Variants in SYNE2 observed in about 807,000 individuals in gnomAD.
SYNE2 encodes nesprin-2.
In SYNE2, 431 loss-of-function variants were observed where a neutral mutation model predicts 856.3. The ratio of observed to expected loss-of-function variants is 0.50; its 90% CI spans 0.47 to 0.55. SYNE2 has a LOEUF of 0.55. Among genes scored for constraint, SYNE2 ranks in the 20% least tolerant of loss-of-function variants. The probability of loss-of-function intolerance (pLI) is 0.00; values close to 1 mark genes in which losing one functional copy is unlikely to be tolerated. For missense variants in SYNE2, 8,129 were observed against 8,023.2 expected, an observed-to-expected ratio of 1.01 and a Z score of -0.50; for synonymous variants, 2,923 against 2,872.3, an observed-to-expected ratio of 1.02 and a Z score of -0.56.
chr14:64,080,769 T>G, intron 56 of SYNE2, 131 bp downstream of exon 56: 1 of 1,121,266 alleles, frequency 8.9e-7, no homozygotes. Context: ...GGGGCCATGG[T>G]AGGCTTGTGT....
chr14:64,072,962 A>G (rs1231381920), intron 52 of SYNE2, among the ~76,000 whole-genome samples: 1 of 152,216 alleles, frequency 6.6e-6, no homozygotes, highest in Non-Finnish European at 1.5e-5. Context: ...ATAAACAGCC[A>G]GATGGAAGAG....
chr14:63,985,554 G>GCGT (rs1385273223), intron 18 of SYNE2, among the ~76,000 whole-genome samples: 1 of 151,820 alleles, frequency 6.6e-6, no homozygotes, highest in Admixed American at 6.6e-5. Flanking sequence ...TGTTTAAATC[G>GCGT]CATATGAGTT....
chr14:64,036,223 CT>C (rs1941569501), intron 45 of SYNE2, among the ~76,000 whole-genome samples: 2 of 151,694 alleles, frequency 1.3e-5, no homozygotes, highest in Admixed American at 6.6e-5. Context: ...ATCACCTCCC[CT>C]ATTCTAAGAA....
intron 57 of SYNE2, among the ~76,000 whole-genome samples, chr14:64,082,787 G>A (rs1195154520): frequency 1.3e-5 from 2 of 152,178 alleles, no homozygotes; most frequent in East Asian, 1.9e-4. Flanking sequence ...AATAGAAAAC[G>A]AACCCATGGT....
chr14:64,093,356 TAAAACAGACCA>T lies in SYNE2; in HGVS notation c.11986_11996del (p.Lys3996Ter). ...GTGGGGGTTATTTTATAGGTAGTCA[TAAAACAGACCA>T]ATGAATGGGATGAAGAAATAGAAAA... is the stretch of plus-strand genomic sequence containing the variant. On this transcript the variant is annotated frameshift_variant, in exon 61 of 116. Coordinates refer to ENST00000555002, the MANE Select transcript of SYNE2 (RefSeq NM_182914.3). LOFTEE classifies it high-confidence loss of function. 1 of 1,613,812 alleles carries T rather than the reference TAAAACAGACCA, an allele frequency of 6.2e-7. No individual in the cohort carries two copies. The highest frequency in any genetic ancestry group is 8.5e-7 in the Non-Finnish European group (1 of 1,179,850).
chr14:64,125,306 A>T (rs1232414957), intron 71 of SYNE2, 96 bp downstream of exon 71: 15 of 1,541,774 alleles, frequency 9.7e-6, no homozygotes, highest in Non-Finnish European at 1.3e-5. Context: ...TCACTGAACA[A>T]GTCATGGAAC....
At chr14:63,977,403 G>A (rs2096552555) in intron 12 of SYNE2, among the ~76,000 whole-genome samples, 1 of 152,054 alleles carries the variant, frequency 6.6e-6, no homozygotes, top group African/African-American at 2.4e-5. Context: ...TAGTAGAGAT[G>A]GGGTTTCACC....
At chr14:64,203,009 A>G (rs1198980805) in intron 100 of SYNE2, 46 bp downstream of exon 100, 3 of 1,608,462 alleles carry the variant, frequency 1.9e-6, no homozygotes, top group South Asian at 2.2e-5. Flanking sequence ...GGTGTCCGCG[A>G]TATGCACTGA....
intron 64 of SYNE2, among the ~76,000 whole-genome samples, chr14:64,106,597 C>T (rs1296660091): frequency 2.0e-5 from 3 of 152,064 alleles, no homozygotes; most frequent in Non-Finnish European, 2.9e-5. Flanking sequence ...TGTGGTGAGC[C>T]GAGATCGTGC....
At chr14:64,078,934 T>C (rs2097494417) in intron 55 of SYNE2, among the ~76,000 whole-genome samples, 1 of 152,040 alleles carries the variant, frequency 6.6e-6, no homozygotes, top group African/African-American at 2.4e-5. Context: ...TAGCTGGGTG[T>C]GGTGGCACAA....
Position 64,021,524 on chromosome 14 carries a change from G to T in SYNE2, c.5352+9G>T. The stretch of plus-strand genomic sequence containing the variant: ...TCTTCACTAAACTAGAGGTGCTACC[G>T]AGCTGCTTGTCTTCTGTGGTTCAGA... On this transcript the variant is annotated intron_variant, in intron 36 of 115. Transcript: ENST00000555002. 1 of 1,613,788 alleles carries T rather than the reference G, an allele frequency of 6.2e-7. No individual in the cohort carries two copies. Among genetic ancestry groups the T allele is most frequent in the South Asian group, 1.1e-5 (1 of 91,040 alleles).
chr14:64,137,853 T>C lies in SYNE2; in HGVS notation c.14713T>C (p.Leu4905=). 6.2e-7 allele frequency: 1 copy of C among 1,614,064 alleles called. No homozygotes were observed. Among genetic ancestry groups the C allele is most frequent in the South Asian group, 1.1e-5 (1 of 91,072 alleles). The change falls in exon 79 of 116, where the codon TTG becomes CTG. Residue 4905 remains leucine, a synonymous_variant. Transcript: ENST00000555002. ...CCAAACTCTGAACGAAGGCAAACAG[T>C]TGGTGGCGTCTGTGAGCTGTCCTGA... ...LYQTLNEGKQ[L]VASVSCPELE...
intron 30 of SYNE2, 62 bp from the exon 31 acceptor site, chr14:64,006,981 T>G: frequency 7.4e-7 from 1 of 1,348,038 alleles, no homozygotes; most frequent in South Asian, 1.2e-5. Flanking sequence ...AAGTTACCCA[T>G]ATTTGTGTTG....
At chr14:63,869,864 T>C (rs1896441379) in intron 1 of SYNE2, among the ~76,000 whole-genome samples, 1 of 152,082 alleles carries the variant, frequency 6.6e-6, no homozygotes, top group African/African-American at 2.4e-5. Flanking sequence ...CTCCTGTATT[T>C]TCTCTCTCTC....
chr14:64,143,567 G>A (rs550480164), intron 82 of SYNE2, among the ~76,000 whole-genome samples: 2 of 152,246 alleles, frequency 1.3e-5, no homozygotes, highest in Admixed American at 6.5e-5. Context: ...TGAAAGCAGT[G>A]CATCTCTGTG....
chr14:63,821,700 C>T (rs1278654407), intron 1 of SYNE2, among the ~76,000 whole-genome samples: 6 of 151,482 alleles, frequency 4.0e-5, no homozygotes, highest in African/African-American at 1.5e-4. Flanking sequence ...TTGCAGTGAG[C>T]CAAGATCGTG....
rs1460810581 is a variant in SYNE2 at position 63,940,690 on chromosome 14, A to T, written c.141+15A>T. The stretch of plus-strand genomic sequence containing the variant: ...AGTTGGCCAGGGTAAGCAAATGAAG[A>T]CCAAATTAGTTTATAAATCTATTTA... On this transcript the variant is annotated intron_variant, in intron 3 of 115. Transcript: ENST00000555002. The T allele has an allele frequency of 1.9e-6, 3 of 1,613,000 alleles. No homozygotes were observed. Among genetic ancestry groups the T allele is most frequent in the Admixed American group, 1.7e-5 (1 of 59,992 alleles).
chr14:64,116,363 A>G (rs943378743), intron 66 of SYNE2, among the ~76,000 whole-genome samples: 7 of 152,196 alleles, frequency 4.6e-5, no homozygotes, highest in African/African-American at 1.4e-4. Flanking sequence ...AATTGGCTCA[A>G]TGTTTTGGGA....
Position 64,167,577 on chromosome 14 carries a change from G to T in SYNE2, c.16843G>T (p.Ala5615Ser), listed in dbSNP as rs761747445. The change falls in exon 92 of 116, where the codon GCA becomes TCA. Residue 5615 changes from alanine (A) to serine (S), a missense_variant. This residue lies in a region of SYNE2 where 5,410 missense variants were observed against 5,284.8 expected (regional missense o/e 1.02). Transcript: ENST00000555002. ...CCAACTTTTGGAGAAGATAGAAGAA[G>T]CACTCAAAGTGGATGTGGCTAACAG... ...WIQLLEKIEEALKVDVANSLP... is the reference protein window; with the variant it reads ...WIQLLEKIEESLKVDVANSLP... 6.2e-7 allele frequency: 1 copy of T among 1,614,220 alleles called. No individual in the cohort carries two copies.
Sources: allele counts gnomAD v4.1 joint callset (sites outside exome capture counted in the v4.1 genomes callset), GRCh38; gene constraint gnomAD v4.1.1; regional missense constraint gnomAD v4.1.1; transcripts MANE v1.5; gene names NCBI Gene and HGNC (gene_info 2026-07-23, HGNC 2026-07-21).